The following TP53I11 variants were observed in gnomAD, a reference collection of about 807,000 sequenced individuals.
TP53I11 encodes the protein tumor protein p53-inducible protein 11.
TP53I11 carries 9 observed loss-of-function variants against 23.3 expected under a neutral mutation model. That is an observed-to-expected ratio of 0.39 (90% CI 0.23 to 0.67). TP53I11 has a LOEUF of 0.67. Among genes scored for constraint, TP53I11 ranks in the 30% least tolerant of loss-of-function variants. The pLI, the probability that TP53I11 is intolerant of heterozygous loss-of-function variation, is 0.48. For missense variants in TP53I11, 170 were observed against 255.2 expected, an observed-to-expected ratio of 0.67 and a Z score of 2.27; for synonymous variants, 100 against 106.1, an observed-to-expected ratio of 0.94 and a Z score of 0.35.
At chr11:44,948,590 C>T (rs1211020368) in intron 1 of TP53I11, among the ~76,000 whole-genome samples, 2 of 152,132 alleles carry the variant, frequency 1.3e-5, no homozygotes, top group African/African-American at 2.4e-5. Flanking sequence ...CTCCCCCTGC[C>T]CCCTGCTTTT....
rs1262914410 is a variant in TP53I11, at chr11:44,934,964, G to A, written c.490C>T (p.Leu164Phe). Residue 164 changes from leucine to phenylalanine, a missense_variant, in exon 7 of 7, where the codon CTC becomes TTC. By Grantham distance (22) the Leu-to-Phe change is conservative. Coordinates refer to ENST00000525680, the MANE Select transcript of TP53I11 (RefSeq NM_006034.5). ...ACAAAAAGGAGGCGGCTGACCAGGAGCAGCAGGATCCCCAGGGACATGAGG... is the reference window on the plus strand; with the variant it reads ...ACAAAAAGGAGGCGGCTGACCAGGAACAGCAGGATCCCCAGGGACATGAGG... The part of the protein sequence containing the change: ...TGLMSLGILL[L>F]LVSRLLFVVI... The A allele has an allele frequency of 6.2e-6, 10 of 1,614,092 alleles. No homozygotes were observed. Among genetic ancestry groups the A allele is most frequent in the Non-Finnish European group, 8.5e-6 (10 of 1,180,000 alleles).
chr11:44,950,308 CAGA>C (rs1428585939), intron 1 of TP53I11: 1 of 152,292 alleles, frequency 6.6e-6, no homozygotes, highest in African/African-American at 2.4e-5. Context: ...TGCTCTGAAG[CAGA>C]AAGCTCGAGC....
chr11:44,938,523 C>G, intron 1 of TP53I11, 157 bp from the exon 2 acceptor site: 1 of 850,734 alleles, frequency 1.2e-6, no homozygotes. Flanking sequence ...GCTTCCTTGT[C>G]AAATGGGTTG....
intron 1 of TP53I11, among the ~76,000 whole-genome samples, chr11:44,944,110 C>A (rs1862164341): frequency 6.6e-6 from 1 of 152,220 alleles, no homozygotes; most frequent in Non-Finnish European, 1.5e-5. Flanking sequence ...GCCTTACTTG[C>A]CTTACTCATG....
Position 44,937,292 on chromosome 11 carries a change from G to C in TP53I11, c.237+12C>G. 3 of 1,518,892 alleles carry C rather than the reference G, an allele frequency of 2.0e-6. No homozygotes were observed. The highest frequency in any genetic ancestry group is 2.6e-6 in the Non-Finnish European group (3 of 1,134,680). 94.1% of individuals were successfully genotyped at this position (1,518,892 alleles called of 1,614,324 possible). ...CGGGGCCAGATCTCAGGGGCTGGGG[G>C]TGGGGGCTCACCATGATGGCAATGC... On this transcript the variant is annotated intron_variant, in intron 4 of 6. Coordinates refer to ENST00000525680, the MANE Select transcript of TP53I11 (RefSeq NM_006034.5).
intron 2 of TP53I11, among the ~76,000 whole-genome samples, chr11:44,937,861 C>G (rs1160701131): frequency 6.6e-6 from 1 of 152,254 alleles, no homozygotes; most frequent in East Asian, 1.9e-4. Context: ...CAAATGCAGA[C>G]TTGAAGCCTG....
chr11:44,945,816 TC>T (rs1404528928), intron 1 of TP53I11, among the ~76,000 whole-genome samples: 1 of 152,086 alleles, frequency 6.6e-6, no homozygotes, highest in African/African-American at 2.4e-5. Context: ...GAATCTCTGC[TC>T]CCTGGAGGGC....
In TP53I11 at chr11:44,934,810, G is replaced by A. The variant is rs1860893320; in HGVS notation, c.*74C>T. ...GGGCAGGGGACCCTCCTGCCTTCCA[G>A]GAGCCAAAGGGAAGCCGAGGCCCCA... is the stretch of plus-strand genomic sequence containing the variant. On this transcript the variant is annotated 3_prime_UTR_variant, in exon 7 of 7. Coordinates refer to ENST00000525680, the MANE Select transcript of TP53I11 (RefSeq NM_006034.5). 1.9e-6 allele frequency: 3 copies of A among 1,594,686 alleles called. No homozygotes were observed. Among genetic ancestry groups the A allele is most frequent in the Admixed American group, 1.7e-5 (1 of 58,620 alleles).
At chr11:44,949,039 G>A (rs539394979) in intron 1 of TP53I11, among the ~76,000 whole-genome samples, 1 of 152,350 alleles carries the variant, frequency 6.6e-6, no homozygotes, top group African/African-American at 2.4e-5. Context: ...CATGTGACTG[G>A]GAAAGAAGCG....
At position 44,933,654 on chromosome 11, in the gene TP53I11, A is replaced by T. The variant is rs1860784189; in HGVS notation, c.*1230T>A. On this transcript the variant is annotated 3_prime_UTR_variant, in exon 7 of 7. Coordinates refer to ENST00000525680, the MANE Select transcript of TP53I11 (RefSeq NM_006034.5). The stretch of plus-strand genomic sequence containing the variant: ...GCTGGTGGGCCCTCAGAGGCAGGGC[A>T]GGGGCTGTTCGGCCCCAAGACAGCC... The T allele has an allele frequency of 6.5e-6, 1 of 153,916 alleles. No homozygotes were observed. Among genetic ancestry groups the T allele is most frequent in the Non-Finnish European group, 1.4e-5 (1 of 69,198 alleles). 9.5% of individuals were successfully genotyped at this position (153,916 alleles called of 1,614,324 possible). A position where few individuals can be genotyped will look rare whatever the true frequency, so the allele number is the denominator to read the frequency against.
At position 44,936,675 on chromosome 11, in the gene TP53I11, G is replaced by C; in HGVS notation, c.334+128C>G. ...GCAGAGAGCTTCATCAGAGGCCGGGGTGTGGGCGCAGCATCTGGCCGAAGA... is the reference window on the plus strand; with the variant it reads ...GCAGAGAGCTTCATCAGAGGCCGGGCTGTGGGCGCAGCATCTGGCCGAAGA... On this transcript the variant is annotated intron_variant, in intron 5 of 6. Transcript: ENST00000525680. This position sits in a 1 kb window ranked among gnomAD's most constrained non-coding sequence, Gnocchi z 4.4. 1 of 1,372,138 alleles carries C rather than the reference G, an allele frequency of 7.3e-7. No homozygotes were observed. The highest frequency in any genetic ancestry group is 3.5e-5 in the Admixed American group (1 of 28,892). 85.0% of individuals were successfully genotyped at this position (1,372,138 alleles called of 1,614,324 possible). A position where few individuals can be genotyped will look rare whatever the true frequency, so the allele number is the denominator to read the frequency against.
At chr11:44,944,974 C>T (rs905762749) in intron 1 of TP53I11, among the ~76,000 whole-genome samples, 2 of 152,216 alleles carry the variant, frequency 1.3e-5, no homozygotes, top group Non-Finnish European at 2.9e-5. Flanking sequence ...GATGGACTGC[C>T]GAGCTGTCCC....
At chr11:44,945,680 C>T (rs1449217953) in intron 1 of TP53I11, among the ~76,000 whole-genome samples, 2 of 152,042 alleles carry the variant, frequency 1.3e-5, no homozygotes, top group Non-Finnish European at 2.9e-5. Flanking sequence ...GTTCTGTTAT[C>T]GCTTTAGTAC....
intron 1 of TP53I11, among the ~76,000 whole-genome samples, chr11:44,941,876 C>T (rs920357795): frequency 2.0e-5 from 3 of 152,116 alleles, no homozygotes; most frequent in South Asian, 2.1e-4. Flanking sequence ...GGCCCACCTC[C>T]GAGGGGCAGA....
rs1000052830 is a variant in TP53I11, at chr11:44,946,509, C to T, written c.-32+4168G>A. On this transcript the variant is annotated intron_variant, in intron 1 of 6. Coordinates refer to ENST00000525680, the MANE Select transcript of TP53I11 (RefSeq NM_006034.5). ...AGAGTGAGGACAGAGCGGAACTGGC[C>T]GGGAGAGGCAGGCGCAGGATGCGAG... is the stretch of plus-strand genomic sequence containing the variant. Among the ~76,000 whole-genome samples the T allele has an allele frequency of 8.5e-5, 13 of 152,296 alleles. No homozygotes were observed. The East Asian group carries it at 1.2e-3, about 14-fold the overall frequency.
intron 1 of TP53I11, among the ~76,000 whole-genome samples, chr11:44,948,206 C>T (rs1388525359): frequency 6.6e-6 from 1 of 152,172 alleles, no homozygotes; most frequent in Non-Finnish European, 1.5e-5. Context: ...CCTGCAGCTG[C>T]CTCTCCTGGC....
intron 1 of TP53I11, among the ~76,000 whole-genome samples, chr11:44,942,773 C>T (rs1862016203): frequency 6.6e-6 from 1 of 152,172 alleles, no homozygotes; most frequent in Non-Finnish European, 1.5e-5. Flanking sequence ...GAGGGCCCCA[C>T]ACCCACCTTC....
rs1416984966 is a variant in TP53I11, at chr11:44,936,285, A to G, written c.334+518T>C. ...GAGCTCAGCCTTTATTCTGTAGGCA[A>G]TAGGGAGCCATAGAATATTTCGTAG... On this transcript the variant is annotated intron_variant, in intron 5 of 6. Transcript: ENST00000525680. This position sits in a 1 kb window ranked among gnomAD's most constrained non-coding sequence, Gnocchi z 4.4. The G allele has an allele frequency of 9.0e-7, 1 of 1,115,788 alleles. No individual in the cohort carries two copies. Among genetic ancestry groups the G allele is most frequent in the Admixed American group, 4.9e-5 (1 of 20,210 alleles). 69.1% of individuals were successfully genotyped at this position (1,115,788 alleles called of 1,614,324 possible). A position where few individuals can be genotyped will look rare whatever the true frequency, so the allele number is the denominator to read the frequency against.
rs1370983633 is a variant in TP53I11, at chr11:44,936,958, T to A, written c.238-59A>T. On this transcript the variant is annotated intron_variant, in intron 4 of 6. Coordinates refer to ENST00000525680, the MANE Select transcript of TP53I11 (RefSeq NM_006034.5). The surrounding 1 kb of genome is among the most constrained non-coding windows in gnomAD (Gnocchi z 4.4). ...TTGGGAGAGGGTGGGGGGTGACAGC[T>A]GATGCTTCCCACAGACGTCTTCCTT... 8.1e-7 allele frequency: 1 copy of A among 1,235,982 alleles called. No individual in the cohort carries two copies. The highest frequency in any genetic ancestry group is 1.5e-5 in the African/African-American group (1 of 66,090). 76.6% of individuals were successfully genotyped at this position (1,235,982 alleles called of 1,614,324 possible).
Sources: allele counts gnomAD v4.1 joint callset (sites outside exome capture counted in the v4.1 genomes callset), GRCh38; gene constraint gnomAD v4.1.1; non-coding constraint Gnocchi (gnomAD v3.1); transcripts MANE v1.5; gene names NCBI Gene and HGNC (gene_info 2026-07-23, HGNC 2026-07-21).